The following PKHD1 variants were observed in gnomAD, a reference collection of about 807,000 sequenced individuals.
The protein encoded by PKHD1 is PKHD1 ciliary IPT domain containing fibrocystin/polyductin.
PKHD1 carries 291 observed loss-of-function variants against 412.0 expected under a neutral mutation model. The ratio of observed to expected loss-of-function variants is 0.71; its 90% confidence interval spans 0.64 to 0.78. PKHD1 has a LOEUF of 0.78. Ranked by LOEUF, PKHD1 falls within the 30% of genes least tolerant of loss-of-function variation. The pLI, the probability that PKHD1 is intolerant of heterozygous loss-of-function variation, is 0.00. For missense variants in PKHD1, 4,825 were observed against 4,950.7 expected (o/e 0.97, Z 0.76); for synonymous variants, 1,777 against 1,821.5 (o/e 0.98, Z 0.62).
At chr6:51,689,921 G>C (rs933556079) in intron 60 of PKHD1, among the ~76,000 whole-genome samples, 3 of 152,124 alleles carry the variant, frequency 2.0e-5, no homozygotes, top group Admixed American at 6.5e-5. Context: ...ATACTGCCCA[G>C]AGCAATTTAT....
chr6:51,619,634 A>G (rs769605586), intron 66 of PKHD1, 114 bp from the exon 67 acceptor site: 9 of 837,866 alleles, frequency 1.1e-5, no homozygotes, highest in African/African-American at 3.3e-5. Flanking sequence ...ATTGAATTAC[A>G]TCAGCTCTTT....
At chr6:51,727,951 C>T (rs553952582) in intron 60 of PKHD1, among the ~76,000 whole-genome samples, 121 of 152,272 alleles carry the variant, frequency 7.9e-4, no homozygotes, top group African/African-American at 2.7e-3. Context: ...GTCTAACAAC[C>T]TATAACACAT....
intron 60 of PKHD1, among the ~76,000 whole-genome samples, chr6:51,678,908 C>T (rs940607458): frequency 1.3e-4 from 20 of 152,000 alleles, no homozygotes; most frequent in African/African-American, 4.6e-4. Context: ...ACAGGAGCAG[C>T]CAACAGCATT....
At chr6:51,749,285 C>G (rs374609245) in intron 57 of PKHD1, among the ~76,000 whole-genome samples, 51 of 152,174 alleles carry the variant, frequency 3.4e-4, no homozygotes, top group Middle Eastern at 3.4e-3. Context: ...ATATTTTTAT[C>G]CTGACTACAC....
At chr6:51,886,491 G>A (rs1778236280) in intron 44 of PKHD1, among the ~76,000 whole-genome samples, 1 of 152,214 alleles carries the variant, frequency 6.6e-6, no homozygotes, top group Non-Finnish European at 1.5e-5. Context: ...CCTGCCATTT[G>A]TGACAATACA....
intron 60 of PKHD1, among the ~76,000 whole-genome samples, chr6:51,660,180 T>C (rs1290768706): frequency 2.6e-5 from 4 of 152,112 alleles, no homozygotes; most frequent in African/African-American, 9.7e-5. Flanking sequence ...AAGTATATGT[T>C]ACATAATATG....
chr6:51,783,135 A>G (rs951746083), intron 53 of PKHD1, among the ~76,000 whole-genome samples: 2 of 152,080 alleles, frequency 1.3e-5, no homozygotes, highest in Non-Finnish European at 2.9e-5. Context: ...AAGTTTTAGG[A>G]TAAAAGCCCG....
chr6:52,047,241 T>G (rs1338310731), intron 23 of PKHD1, among the ~76,000 whole-genome samples: 3 of 152,166 alleles, frequency 2.0e-5, no homozygotes, highest in African/African-American at 7.2e-5. Context: ...ATGAGCCTCA[T>G]AGAGGCAGGG....
chr6:52,001,229 C>CTA (rs1798346665), intron 35 of PKHD1, among the ~76,000 whole-genome samples: 1 of 151,916 alleles, frequency 6.6e-6, no homozygotes, highest in Non-Finnish European at 1.5e-5. Context: ...CATTCCATTT[C>CTA]TATAAAATAA....
At chr6:52,036,481 C>T (rs566109263) in intron 27 of PKHD1, among the ~76,000 whole-genome samples, 5 of 152,218 alleles carry the variant, frequency 3.3e-5, no homozygotes, top group Non-Finnish European at 5.9e-5. Context: ...TGATTCTGGT[C>T]TGCCATCTCC....
chr6:51,840,506 GAGA>G (rs1179818009), intron 50 of PKHD1, among the ~76,000 whole-genome samples: 1 of 152,094 alleles, frequency 6.6e-6, no homozygotes, highest in Non-Finnish European at 1.5e-5. Flanking sequence ...AATTAACTCA[GAGA>G]AGAATAACAA....
chr6:51,937,902 T>C (rs1787776747), intron 36 of PKHD1, among the ~76,000 whole-genome samples: 1 of 152,190 alleles, frequency 6.6e-6, no homozygotes. Flanking sequence ...AAACCATCCT[T>C]GCAAAGATTC....
rs118008850 is a variant in PKHD1 at position 51,887,832 on chromosome 6, C to A, written c.6997-587G>T. On this transcript the variant is annotated intron_variant, in intron 43 of 66. Transcript: ENST00000371117. The stretch of plus-strand genomic sequence containing the variant: ...CCTCAGGTATTTCTTTATAGCAATG[C>A]GAGAATGAACTAATAAAAATATTGT... Among the ~76,000 whole-genome samples the A allele has an allele frequency of 3.0e-4, 45 of 152,280 alleles. No homozygotes were observed. The East Asian group carries it at 7.9e-3, about 27-fold the overall frequency.
chr6:51,705,080 T>A (rs1281325242), intron 60 of PKHD1, among the ~76,000 whole-genome samples: 3 of 152,036 alleles, frequency 2.0e-5, no homozygotes, highest in African/African-American at 7.2e-5. Flanking sequence ...TAGTAGAGTA[T>A]TTAATCAAAT....
At chr6:51,944,114 T>C (rs1285942179) in intron 36 of PKHD1, among the ~76,000 whole-genome samples, 1 of 152,174 alleles carries the variant, frequency 6.6e-6, no homozygotes, top group Non-Finnish European at 1.5e-5. Flanking sequence ...CCTTAACTGA[T>C]GACATTCCAC....
At chr6:51,859,649 C>T (rs536110079) in intron 48 of PKHD1, among the ~76,000 whole-genome samples, 1 of 151,926 alleles carries the variant, frequency 6.6e-6, no homozygotes, top group Non-Finnish European at 1.5e-5. Context: ...CTTAACTGGA[C>T]TTAATTGCTC....
intron 59 of PKHD1, among the ~76,000 whole-genome samples, 176 bp downstream of exon 59, chr6:51,746,545 C>T (rs1414871651): frequency 6.6e-6 from 1 of 152,100 alleles, no homozygotes; most frequent in East Asian, 1.9e-4. Context: ...TCATATATCA[C>T]AAGGCGTGAA....
At chr6:52,020,548 G>A (rs1801242416) in intron 33 of PKHD1, among the ~76,000 whole-genome samples, 1 of 152,206 alleles carries the variant, frequency 6.6e-6, no homozygotes, top group Non-Finnish European at 1.5e-5. Context: ...TTTCTAACAA[G>A]CTCCCGGGTG....
At position 52,049,982 on chromosome 6, in the gene PKHD1, G is replaced by A. The variant is rs189902802; in HGVS notation, c.2279+175C>T. Among the ~76,000 whole-genome samples the A allele has an allele frequency of 1.6e-3, 238 of 152,306 alleles. 2 individuals carry two copies. The highest frequency in any genetic ancestry group is 2.8e-3 in the Non-Finnish European group (192 of 68,018). On this transcript the variant is annotated intron_variant, in intron 22 of 66. Coordinates refer to ENST00000371117, the MANE Select transcript of PKHD1 (RefSeq NM_138694.4). ...ACTGCCTTAGAAACTCTGACAGTAG[G>A]CCCAGTAATTTTAACAATACTTCCA...
Sources: allele counts gnomAD v4.1 joint callset (sites outside exome capture counted in the v4.1 genomes callset), GRCh38; gene constraint gnomAD v4.1.1; transcripts MANE v1.5; gene names NCBI Gene and HGNC (gene_info 2026-07-23, HGNC 2026-07-21).